Variants in FRMD4B observed in about 807,000 individuals in gnomAD.
FRMD4B encodes FERM domain-containing protein 4B.
Under a neutral mutation model 141.5 loss-of-function variants are expected in FRMD4B, and 74 were observed. The ratio of observed to expected loss-of-function variants is 0.52; its 90% CI spans 0.43 to 0.63. The LOEUF is 0.63. FRMD4B is among the 30% of genes least tolerant of loss of function. The pLI, the probability that FRMD4B is intolerant of heterozygous loss-of-function variation, is 0.00. For synonymous variants in FRMD4B, 506 were observed against 467.9 expected (o/e 1.08, Z -1.05); for missense variants, 1,366 against 1,253.4 (o/e 1.09, Z -1.36).
intron 16 of FRMD4B, 134 bp from the exon 17 acceptor site, chr3:69,194,007 T>C: frequency 6.4e-6 from 4 of 620,926 alleles, no homozygotes; most frequent in Non-Finnish European, 1.1e-5. Flanking sequence ...CAACTTTTAC[T>C]GCATAGACAT....
At chr3:69,300,080 A>G (rs1333174305) in intron 4 of FRMD4B, among the ~76,000 whole-genome samples, 3 of 152,168 alleles carry the variant, frequency 2.0e-5, no homozygotes, top group Non-Finnish European at 4.4e-5. Context: ...GTTTTCTCCA[A>G]ATAGGAGGCT....
At chr3:69,487,295 T>C (rs1681424686) in intron 1 of FRMD4B, among the ~76,000 whole-genome samples, 1 of 152,242 alleles carries the variant, frequency 6.6e-6, no homozygotes, top group Non-Finnish European at 1.5e-5. Context: ...AAAAGCTTTC[T>C]TTGTTCCTTT....
rs1190614588 is a variant in FRMD4B at position 69,265,268 on chromosome 3, AAATATATATATATATATATATATATAT to A, written c.502-15196_502-15170del. Among the ~76,000 whole-genome samples the A allele has an allele frequency of 2.1e-4, 6 of 28,870 alleles. 2 individuals carry two copies. The highest frequency in any genetic ancestry group is 1.9e-3 in the East Asian group (2 of 1,028). 18.9% of individuals were successfully genotyped at this position (28,870 alleles called of 152,430 possible). A position where few individuals can be genotyped will look rare whatever the true frequency, so the allele number is the denominator to read the frequency against. On this transcript the variant is annotated intron_variant, in intron 5 of 22. Coordinates refer to ENST00000398540, the MANE Select transcript of FRMD4B (RefSeq NM_015123.3). Reference sequence around the variant, plus strand: ...AGACTCCATCTCAAAAAAAAAAAAAAAATATATATATATATATATATATATATATATATATATATATATATATGCAGA... The same window carrying A: ...AGACTCCATCTCAAAAAAAAAAAAAAATATATATATATATATATATGCAGA...
chr3:69,261,325 G>A (rs143988177), intron 5 of FRMD4B, among the ~76,000 whole-genome samples: 2 of 152,252 alleles, frequency 1.3e-5, no homozygotes, highest in African/African-American at 2.4e-5. Flanking sequence ...GAGGGTCCAC[G>A]GCTTCATTCT....
At chr3:69,456,262 A>C (rs2106907071) in intron 1 of FRMD4B, among the ~76,000 whole-genome samples, 1 of 152,306 alleles carries the variant, frequency 6.6e-6, no homozygotes, top group East Asian at 1.9e-4. Context: ...AAGAAAAAAA[A>C]CGCCAACCGA....
chr3:69,234,897 C>G (rs1575640687), intron 7 of FRMD4B, among the ~76,000 whole-genome samples: 1 of 152,054 alleles, frequency 6.6e-6, no homozygotes, highest in Non-Finnish European at 1.5e-5. Flanking sequence ...GCCTGTAATC[C>G]CAGCACTTTG....
At chr3:69,329,673 G>T (rs903931457) in intron 1 of FRMD4B, among the ~76,000 whole-genome samples, 1 of 151,252 alleles carries the variant, frequency 6.6e-6, no homozygotes, top group Non-Finnish European at 1.5e-5. Flanking sequence ...GATTACAGGC[G>T]CCCGCCACCA....
chr3:69,239,721 T>C (rs9812567), intron 7 of FRMD4B, among the ~76,000 whole-genome samples: 1,980 of 152,118 alleles, frequency 0.013, 47 homozygotes, highest in African/African-American at 0.046. Flanking sequence ...GGTGCAGAGT[T>C]TCTGTTTTTC....
intron 11 of FRMD4B, among the ~76,000 whole-genome samples, chr3:69,206,461 A>G (rs1179334544): frequency 6.6e-6 from 1 of 152,246 alleles, no homozygotes; most frequent in Admixed American, 6.5e-5. Context: ...TGGGAAATGT[A>G]TAACGTAAAA....
intron 7 of FRMD4B, among the ~76,000 whole-genome samples, chr3:69,243,854 T>A (rs2093405822): frequency 6.6e-6 from 1 of 152,134 alleles, no homozygotes; most frequent in Admixed American, 6.5e-5. Context: ...GAGACCAGCC[T>A]GGCCAACGTG....
At chr3:69,234,525 T>A (rs2093331821) in intron 7 of FRMD4B, among the ~76,000 whole-genome samples, 1 of 152,200 alleles carries the variant, frequency 6.6e-6, no homozygotes, top group Non-Finnish European at 1.5e-5. Context: ...ATATCATGTT[T>A]CTTTCAGTTA....
chr3:69,404,680 A>T (rs1704621731), intron 2 of FRMD4B, among the ~76,000 whole-genome samples: 1 of 152,138 alleles, frequency 6.6e-6, no homozygotes. Flanking sequence ...TACTGGGTGG[A>T]GTTGGGCATA....
At position 69,502,704 on chromosome 3, in the gene FRMD4B, C is replaced by T. The variant is rs569575021; in HGVS notation, c.-129+39502G>A. On this transcript the variant is annotated intron_variant, in intron 1 of 5. Coordinates refer to the FRMD4B transcript ENST00000459638. ...AATGGGGTCTAATTAAACTAAAGAG[C>T]TTCTGCACAGCAAAAAAAAAACTAC... Among the ~76,000 whole-genome samples, 59 of 151,490 alleles carry T rather than the reference C, an allele frequency of 3.9e-4. 2 individuals are homozygous for T. Among genetic ancestry groups the T allele is most frequent in the African/African-American group, 1.1e-3 (46 of 40,910 alleles).
intron 1 of FRMD4B, among the ~76,000 whole-genome samples, chr3:69,332,504 C>T (rs537690861): frequency 1.3e-5 from 2 of 152,304 alleles, no homozygotes; most frequent in South Asian, 4.1e-4. Context: ...TCTGACTCCC[C>T]AGGGACTTCT....
At position 69,255,460 on chromosome 3, in the gene FRMD4B, G is replaced by A. The variant is rs138668874; in HGVS notation, c.502-5361C>T. ...CTCAGGAGGTGGAGTGGGGAGGATC[G>A]CTTGAGCCCAGGAATTCAAGGCTGC... On this transcript the variant is annotated intron_variant, in intron 5 of 22. Transcript: ENST00000398540. Among the ~76,000 whole-genome samples, 524 of 152,140 alleles carry A rather than the reference G, an allele frequency of 3.4e-3. 3 individuals carry two copies. The highest frequency in any genetic ancestry group is 0.012 in the African/African-American group (494 of 41,498).
At chr3:69,366,820 A>G (rs113837675) in intron 1 of FRMD4B, among the ~76,000 whole-genome samples, 26,451 of 151,772 alleles carry the variant, frequency 0.17, 2,547 homozygotes, top group African/African-American at 0.24. Flanking sequence ...CCCAGGCTGG[A>G]GTGCAGTGGG....
chr3:69,246,676 A>C (rs1181383901), intron 7 of FRMD4B, among the ~76,000 whole-genome samples: 6 of 152,162 alleles, frequency 3.9e-5, no homozygotes, highest in Admixed American at 6.5e-5. Context: ...CAGACAGGAT[A>C]AGTGGCCACT....
intron 5 of FRMD4B, among the ~76,000 whole-genome samples, chr3:69,283,971 A>AAAC (rs760659996): frequency 0.06 from 4,029 of 67,466 alleles, 102 homozygotes; most frequent in African/African-American, 0.12. Context: ...AAAACAAAAC[A>AAAC]AAACAAAAAA....
At chr3:69,370,460 T>C (rs1222341175) in intron 1 of FRMD4B, among the ~76,000 whole-genome samples, 1 of 152,184 alleles carries the variant, frequency 6.6e-6, no homozygotes, top group Non-Finnish European at 1.5e-5. Context: ...GGGAGCCCAC[T>C]GGCACCAGGG....
Sources: gnomAD v4.1 joint callset for allele counts (sites outside exome capture counted in the v4.1 genomes callset) on GRCh38, gnomAD v4.1.1 for gene constraint, MANE v1.5 for transcripts, NCBI Gene and HGNC (gene_info 2026-07-23, HGNC 2026-07-21) for gene names.